SAMTOR: variants seen among roughly 807,000 people sequenced by gnomAD.
SAMTOR encodes the protein UPF0532 protein C7orf60.
At chr7:112,882,006 G>A in the SAMTOR span, among the ~76,000 whole-genome samples, 1 of 152,210 alleles carries the variant, frequency 6.6e-6, no homozygotes, top group Non-Finnish European at 1.5e-5. Context: ...AACCCTCTTT[G>A]GGGCTCTGTG....
the SAMTOR span, among the ~76,000 whole-genome samples, chr7:112,902,417 A>AAAAAAAAC: frequency 8.5e-5 from 6 of 70,758 alleles, no homozygotes; most frequent in Admixed American, 1.5e-4. Context: ...ACTCCGTCTC[A>AAAAAAAAC]AAAAAAAAAA....
the SAMTOR span, among the ~76,000 whole-genome samples, chr7:112,933,334 CCTGA>C: frequency 1.3e-5 from 2 of 152,048 alleles, no homozygotes; most frequent in East Asian, 1.9e-4. Flanking sequence ...GACAAATGTG[CCTGA>C]CTTATTTAGA....
At chr7:112,850,481 A>C in the SAMTOR span, among the ~76,000 whole-genome samples, 1 of 152,096 alleles carries the variant, frequency 6.6e-6, no homozygotes, top group Non-Finnish European at 1.5e-5. Context: ...GATTGGTACC[A>C]GTTCTTCTTT....
the SAMTOR span, among the ~76,000 whole-genome samples, chr7:112,914,918 A>C: frequency 6.6e-6 from 1 of 152,162 alleles, no homozygotes; most frequent in Non-Finnish European, 1.5e-5. Context: ...CTATTTTGGC[A>C]CTATGAATTA....
chr7:112,889,138 T>C, the SAMTOR span, among the ~76,000 whole-genome samples: 32 of 152,334 alleles, frequency 2.1e-4, no homozygotes, highest in South Asian at 6.4e-3. Flanking sequence ...TGATCTTTTT[T>C]CTATGTCTAT....
At chr7:112,839,502 T>G in the SAMTOR span, among the ~76,000 whole-genome samples, 9 of 151,846 alleles carry the variant, frequency 5.9e-5, no homozygotes, top group Non-Finnish European at 1.2e-4. Flanking sequence ...GGGAGGAATC[T>G]GGCAGACATC....
chr7:112,834,024 G>C, the SAMTOR span, among the ~76,000 whole-genome samples: 1 of 152,038 alleles, frequency 6.6e-6, no homozygotes, highest in Non-Finnish European at 1.5e-5. Context: ...AAGTACCTAC[G>C]ACTGAATGTC....
At chr7:112,884,137 CA>C in the SAMTOR span, among the ~76,000 whole-genome samples, 1 of 152,184 alleles carries the variant, frequency 6.6e-6, no homozygotes, top group Non-Finnish European at 1.5e-5. Context: ...AGAACAGCAG[CA>C]TGGGGGTAAT....
the SAMTOR span, among the ~76,000 whole-genome samples, chr7:112,881,647 C>G: frequency 6.6e-6 from 1 of 152,164 alleles, no homozygotes; most frequent in Admixed American, 6.5e-5. Context: ...TCAGGACTGC[C>G]TGCCTACAGA....
the SAMTOR span, among the ~76,000 whole-genome samples, chr7:112,857,177 C>T: frequency 2.7e-5 from 4 of 147,356 alleles, no homozygotes; most frequent in East Asian, 2.0e-4. Context: ...CTGCAAGCTC[C>T]GCTTCCCGGG....
the SAMTOR span, among the ~76,000 whole-genome samples, chr7:112,910,181 A>C: frequency 1.3e-5 from 2 of 152,108 alleles, no homozygotes; most frequent in Non-Finnish European, 2.9e-5. Flanking sequence ...CTAATAATGA[A>C]AAATGGAATA....
chr7:112,887,878 T>G, the SAMTOR span, among the ~76,000 whole-genome samples: 4 of 152,128 alleles, frequency 2.6e-5, no homozygotes, highest in Non-Finnish European at 5.9e-5. Flanking sequence ...ATTTTGTTGA[T>G]CTTTTCAAAT....
At chr7:112,924,674 A>G in the SAMTOR span, among the ~76,000 whole-genome samples, 5 of 152,310 alleles carry the variant, frequency 3.3e-5, no homozygotes, top group African/African-American at 7.2e-5. Flanking sequence ...CAGACTGGCA[A>G]TAACTATTAA....
At chr7:112,921,547 C>G in the SAMTOR span, among the ~76,000 whole-genome samples, 1 of 148,582 alleles carries the variant, frequency 6.7e-6, no homozygotes, top group Non-Finnish European at 1.5e-5. Flanking sequence ...GCAAGGACTT[C>G]ATGTCTAAAA....
At chr7:112,839,663 A>C in the SAMTOR span, among the ~76,000 whole-genome samples, 1 of 151,982 alleles carries the variant, frequency 6.6e-6, no homozygotes, top group Non-Finnish European at 1.5e-5. Flanking sequence ...ACTAGATACT[A>C]TATGTAATCT....
At chr7:112,907,192 G>T in the SAMTOR span, among the ~76,000 whole-genome samples, 2 of 152,126 alleles carry the variant, frequency 1.3e-5, no homozygotes, top group East Asian at 3.9e-4. Flanking sequence ...CCAACTATAT[G>T]GGAAAACTTA....
the SAMTOR span, among the ~76,000 whole-genome samples, chr7:112,927,550 G>GCATT: frequency 6.6e-6 from 1 of 151,828 alleles, no homozygotes; most frequent in Non-Finnish European, 1.5e-5. Flanking sequence ...TTTCTTATAG[G>GCATT]CATTCTAGAA....
the SAMTOR span, among the ~76,000 whole-genome samples, chr7:112,887,072 A>G: frequency 6.6e-6 from 1 of 152,186 alleles, no homozygotes; most frequent in Non-Finnish European, 1.5e-5. Flanking sequence ...AGGCTGAGGC[A>G]GAAGAATTGC....
chr7:112,857,004 C>T, the SAMTOR span, among the ~76,000 whole-genome samples: 1 of 147,092 alleles, frequency 6.8e-6, no homozygotes, highest in Admixed American at 6.8e-5. Context: ...ATAATCTGAA[C>T]ACAAAGTATT....
Sources: gnomAD v4.1 joint callset for allele counts (sites outside exome capture counted in the v4.1 genomes callset) on GRCh38, gnomAD v4.1.1 for gene constraint, MANE v1.5 for transcripts, NCBI Gene and HGNC (gene_info 2026-07-23, HGNC 2026-07-21) for gene names.